The following FSTL5 variants were observed in gnomAD, a reference collection of about 807,000 sequenced individuals.
The protein encoded by FSTL5 is follistatin like 5.
A neutral mutation model predicts 89.1 loss-of-function variants in FSTL5; 62 were observed. That is an observed-to-expected ratio of 0.70 (90% CI 0.57 to 0.86). The LOEUF (loss-of-function observed/expected upper bound fraction) is 0.86, where lower values mean the gene tolerates loss of function less well. Among genes scored for constraint, FSTL5 ranks in the 40% least tolerant of loss-of-function variants. The probability of loss-of-function intolerance (pLI) is 0.00; values close to 1 mark genes in which losing one functional copy is unlikely to be tolerated. For missense variants in FSTL5, 1,057 were observed against 1,001.6 expected, an observed-to-expected ratio of 1.06 and a Z score of -0.75; for synonymous variants, 383 against 346.2, an observed-to-expected ratio of 1.11 and a Z score of -1.18.
intron 1 of FSTL5, among the ~76,000 whole-genome samples, chr4:162,113,543 C>T (rs1479153885): frequency 1.3e-5 from 2 of 152,178 alleles, no homozygotes; most frequent in African/African-American, 4.8e-5. Flanking sequence ...CATATTTTCA[C>T]GTACTTTTAA....
intron 3 of FSTL5, among the ~76,000 whole-genome samples, chr4:162,027,631 T>C (rs1737347304): frequency 1.3e-5 from 2 of 152,130 alleles, no homozygotes; most frequent in African/African-American, 4.8e-5. Context: ...GCTAATGAAA[T>C]CAGAAAATCT....
chr4:161,397,460 G>A (rs1731042402), intron 15 of FSTL5, among the ~76,000 whole-genome samples: 1 of 151,432 alleles, frequency 6.6e-6, no homozygotes, highest in Admixed American at 6.6e-5. Context: ...ATAATATAGT[G>A]GGTTGAGCTA....
intron 3 of FSTL5, among the ~76,000 whole-genome samples, chr4:161,957,023 T>A (rs902873651): frequency 2.6e-5 from 4 of 151,978 alleles, no homozygotes; most frequent in African/African-American, 9.7e-5. Flanking sequence ...TGGTTTTTAA[T>A]ACTGAAAACT....
intron 4 of FSTL5, among the ~76,000 whole-genome samples, chr4:161,876,808 C>A (rs972791169): frequency 1.1e-4 from 17 of 151,756 alleles, no homozygotes; most frequent in Admixed American, 4.6e-4. Context: ...TCATTATTTC[C>A]TATTATATAT....
intron 1 of FSTL5, among the ~76,000 whole-genome samples, chr4:162,130,140 T>C (rs1300047541): frequency 1.3e-5 from 2 of 152,158 alleles, no homozygotes; most frequent in Non-Finnish European, 2.9e-5. Context: ...CCTGTGCACT[T>C]GATGAAGAGT....
rs116755816 is a variant in FSTL5, at chr4:161,408,068, G to T, written c.1842-21619C>A. Among the ~76,000 whole-genome samples, 1,017 of 152,192 alleles carry T rather than the reference G, an allele frequency of 6.7e-3. 14 individuals are homozygous for T. The highest frequency in any genetic ancestry group is 0.023 in the African/African-American group (942 of 41,530). On this transcript the variant is annotated intron_variant, in intron 15 of 15. Coordinates refer to ENST00000306100, the MANE Select transcript of FSTL5 (RefSeq NM_020116.5). ...ACTGAGTCACACAGGTTTGTGGGCT[G>T]GTGTGGGACCTAACTGTCCCTCCAT...
chr4:161,388,475 C>CATCAAAA (rs1437196824), intron 15 of FSTL5: 3 of 152,030 alleles, frequency 2.0e-5, no homozygotes, highest in Non-Finnish European at 2.9e-5. Flanking sequence ...TGTGTCTCTG[C>CATCAAAA]ATCAAAAAAT....
chr4:162,023,272 C>T (rs1483685241), intron 3 of FSTL5, among the ~76,000 whole-genome samples: 3 of 152,092 alleles, frequency 2.0e-5, no homozygotes, highest in African/African-American at 7.2e-5. Flanking sequence ...ATCTCCAGTG[C>T]TGAAAACAAT....
chr4:161,586,296 TC>T (rs1733615258), intron 8 of FSTL5, among the ~76,000 whole-genome samples: 1 of 152,194 alleles, frequency 6.6e-6, no homozygotes, highest in East Asian at 1.9e-4. Context: ...TTCATGTTCC[TC>T]AATTGAATAC....
intron 6 of FSTL5, among the ~76,000 whole-genome samples, chr4:161,746,744 G>A (rs577299370): frequency 2.0e-5 from 3 of 152,084 alleles, no homozygotes; most frequent in Non-Finnish European, 4.4e-5. Flanking sequence ...TTGGTGTCTT[G>A]CCTATACCTA....
At chr4:161,997,229 A>G (rs560229138) in intron 3 of FSTL5, among the ~76,000 whole-genome samples, 21 of 152,318 alleles carry the variant, frequency 1.4e-4, no homozygotes, top group African/African-American at 4.6e-4. Flanking sequence ...CAGAACTTAA[A>G]CACAATTAAA....
intron 1 of FSTL5, among the ~76,000 whole-genome samples, chr4:162,143,743 CA>C (rs1561043156): frequency 0.062 from 4,066 of 65,526 alleles, 156 homozygotes; most frequent in African/African-American, 0.12. Flanking sequence ...CACACACACA[CA>C]CACACCCAGG....
intron 10 of FSTL5, 99 bp from the exon 11 acceptor site, chr4:161,510,523 T>C (rs1730618582): frequency 7.5e-6 from 5 of 667,686 alleles, no homozygotes; most frequent in East Asian, 6.1e-5. Flanking sequence ...CAAATATCTA[T>C]GATAGAATGT....
chr4:161,418,878 AT>A (rs1371493074), intron 15 of FSTL5, among the ~76,000 whole-genome samples: 2 of 152,230 alleles, frequency 1.3e-5, no homozygotes, highest in Non-Finnish European at 2.9e-5. Flanking sequence ...GCTGCCTTGC[AT>A]TATACAAGTG....
chr4:161,620,294 C>G (rs987105324), intron 7 of FSTL5, among the ~76,000 whole-genome samples: 3 of 151,858 alleles, frequency 2.0e-5, no homozygotes, highest in Non-Finnish European at 4.4e-5. Context: ...ACATTTGTAA[C>G]TAACCTGCAC....
intron 15 of FSTL5, among the ~76,000 whole-genome samples, chr4:161,418,131 T>C (rs559563868): frequency 2.0e-4 from 31 of 152,278 alleles, no homozygotes; most frequent in East Asian, 3.9e-4. Flanking sequence ...ATTAAGTTCA[T>C]TGGTGTGTTT....
At chr4:161,873,878 C>G (rs17041702) in intron 4 of FSTL5, among the ~76,000 whole-genome samples, 2,170 of 152,002 alleles carry the variant, frequency 0.014, 59 homozygotes, top group African/African-American at 0.05. Context: ...ATAGTGCATT[C>G]ATTTTCACTT....
At chr4:161,463,770 C>A (rs917110216) in intron 13 of FSTL5, among the ~76,000 whole-genome samples, 1 of 152,148 alleles carries the variant, frequency 6.6e-6, no homozygotes, top group Non-Finnish European at 1.5e-5. Context: ...AATGGTTCTC[C>A]ACATGTTATG....
At chr4:162,051,373 G>A (rs1738374029) in intron 2 of FSTL5, among the ~76,000 whole-genome samples, 1 of 151,276 alleles carries the variant, frequency 6.6e-6, no homozygotes, top group South Asian at 2.1e-4. Flanking sequence ...AAATTGTTTT[G>A]TAATCTAACA....
Sources: allele counts gnomAD v4.1 joint callset (sites outside exome capture counted in the v4.1 genomes callset), GRCh38; gene constraint gnomAD v4.1.1; transcripts MANE v1.5; gene names NCBI Gene and HGNC (gene_info 2026-07-23, HGNC 2026-07-21).